Variants in LSAMP observed in about 807,000 individuals in gnomAD.
The protein encoded by LSAMP is limbic system associated membrane protein.
In LSAMP, 7 loss-of-function variants were observed where a neutral mutation model predicts 38.6. The observed-to-expected ratio is 0.18, with a 90% confidence interval of 0.10 to 0.34. The LOEUF (loss-of-function observed/expected upper bound fraction) is 0.34. Ranked by LOEUF, LSAMP falls within the 10% of genes least tolerant of loss-of-function variation. The pLI is 1.00. For synonymous variants in LSAMP, 154 were observed against 166.8 expected (o/e 0.92, Z 0.59); for missense variants, 313 against 420.0 (o/e 0.75, Z 2.23).
At chr3:116,101,670 G>A (rs1708350427) in intron 1 of LSAMP, among the ~76,000 whole-genome samples, 1 of 152,102 alleles carries the variant, frequency 6.6e-6, no homozygotes, top group East Asian at 1.9e-4. Flanking sequence ...CTGTAGTTTT[G>A]TATTCTTTAA....
chr3:115,967,480 C>T (rs1310894941), intron 3 of LSAMP, among the ~76,000 whole-genome samples: 1 of 152,174 alleles, frequency 6.6e-6, no homozygotes, highest in Non-Finnish European at 1.5e-5. Context: ...CCAAACTGTT[C>T]CAACCTCTGC....
rs567386744 is a variant in LSAMP, at chr3:115,812,546, T to C, written c.920-2132A>G. On this transcript the variant is annotated intron_variant, in intron 6 of 6. Coordinates refer to ENST00000490035, the MANE Select transcript of LSAMP (RefSeq NM_002338.5). Reference sequence around the variant, plus strand: ...CTTAGTGGCAACTTCCCCCAGGGCTTTTGGGCTGGTAGGAATGTTACTTTC... The same window carrying C: ...CTTAGTGGCAACTTCCCCCAGGGCTCTTGGGCTGGTAGGAATGTTACTTTC... Among the ~76,000 whole-genome samples, 9 of 152,224 alleles carry C rather than the reference T, an allele frequency of 5.9e-5. No homozygotes were observed. The South Asian group carries it at 1.9e-3, about 32-fold the overall frequency.
chr3:116,256,765 T>C (rs1012993940), intron 1 of LSAMP, among the ~76,000 whole-genome samples: 2 of 150,680 alleles, frequency 1.3e-5, no homozygotes, highest in African/African-American at 2.4e-5. Flanking sequence ...ATTCAATCCA[T>C]TTCACCCTAT....
intron 1 of LSAMP, among the ~76,000 whole-genome samples, chr3:116,438,972 A>G (rs985328138): frequency 2.0e-5 from 3 of 152,058 alleles, no homozygotes; most frequent in African/African-American, 7.2e-5. Flanking sequence ...TTTTTTACTG[A>G]TATCTATTTA....
chr3:115,979,214 CAG>C (rs1939283248), intron 3 of LSAMP, among the ~76,000 whole-genome samples: 2 of 151,532 alleles, frequency 1.3e-5, no homozygotes, highest in South Asian at 4.2e-4. Context: ...AGAAAAAAAA[CAG>C]AATAAGTTGG....
At chr3:115,957,723 T>C (rs748038624) in intron 3 of LSAMP, among the ~76,000 whole-genome samples, 4 of 152,228 alleles carry the variant, frequency 2.6e-5, no homozygotes, top group Non-Finnish European at 5.9e-5. Flanking sequence ...GGTACCATTA[T>C]TGTAGTTTTA....
intron 2 of LSAMP, among the ~76,000 whole-genome samples, chr3:116,046,391 A>G (rs1941288551): frequency 6.6e-6 from 1 of 152,148 alleles, no homozygotes; most frequent in Admixed American, 6.5e-5. Flanking sequence ...TCACCTTTGG[A>G]AAAAAGAAAC....
intron 2 of LSAMP, among the ~76,000 whole-genome samples, chr3:116,032,489 AAGCT>A (rs1410589842): frequency 6.6e-6 from 1 of 152,116 alleles, no homozygotes; most frequent in Non-Finnish European, 1.5e-5. Flanking sequence ...GATGAAAGGA[AAGCT>A]TTGATATTTC....
In LSAMP at chr3:115,840,568, CTG is replaced by C. The variant is rs1447594118; in HGVS notation, c.919+1275_919+1276del. Among the ~76,000 whole-genome samples, 3 of 152,196 alleles carry C rather than the reference CTG, an allele frequency of 2.0e-5. No individual in the cohort carries two copies. In the East Asian group the frequency reaches 5.8e-4, roughly 29 times the overall value. On this transcript the variant is annotated intron_variant, in intron 6 of 6. Coordinates refer to ENST00000490035, the MANE Select transcript of LSAMP (RefSeq NM_002338.5). ...ATTTGTATAACTGTATCTCATCAAACTGTCACAGACTGAAGTCAATGAGAGTT... is the reference window on the plus strand; with the variant it reads ...ATTTGTATAACTGTATCTCATCAAACTCACAGACTGAAGTCAATGAGAGTT...
At chr3:115,922,803 A>G (rs1937413041) in intron 3 of LSAMP, among the ~76,000 whole-genome samples, 1 of 152,044 alleles carries the variant, frequency 6.6e-6, no homozygotes, top group Non-Finnish European at 1.5e-5. Flanking sequence ...TCTCATGTGA[A>G]GAGGAGAGAG....
chr3:116,220,374 C>CACAT (rs1553714720), intron 1 of LSAMP, among the ~76,000 whole-genome samples: 2 of 151,176 alleles, frequency 1.3e-5, no homozygotes, highest in African/African-American at 4.9e-5. Context: ...CACACACACA[C>CACAT]ACACACACAC....
chr3:116,215,143 G>A (rs1342005689), intron 1 of LSAMP, among the ~76,000 whole-genome samples: 1 of 152,186 alleles, frequency 6.6e-6, no homozygotes, highest in Admixed American at 6.5e-5. Flanking sequence ...CTTATGAAAT[G>A]TGCCATCATA....
intron 1 of LSAMP, among the ~76,000 whole-genome samples, chr3:116,315,224 A>G (rs1307194565): frequency 6.6e-6 from 1 of 152,154 alleles, no homozygotes; most frequent in African/African-American, 2.4e-5. Context: ...CAAGTCTCCA[A>G]GATGCACTCA....
At chr3:116,050,700 A>T (rs1383956772) in intron 2 of LSAMP, among the ~76,000 whole-genome samples, 5 of 152,214 alleles carry the variant, frequency 3.3e-5, no homozygotes, top group Admixed American at 6.5e-5. Flanking sequence ...ATAGCAAAAT[A>T]AAAGGTTTGG....
intron 1 of LSAMP, among the ~76,000 whole-genome samples, chr3:116,432,644 AT>A (rs1384939708): frequency 6.6e-6 from 1 of 152,108 alleles, no homozygotes; most frequent in African/African-American, 2.4e-5. Context: ...ATGTAGCTAT[AT>A]TCAAAAACGT....
At chr3:116,301,000 T>A (rs573966150) in intron 1 of LSAMP, among the ~76,000 whole-genome samples, 7 of 152,080 alleles carry the variant, frequency 4.6e-5, no homozygotes, top group African/African-American at 1.7e-4. Context: ...TACGTGGTTA[T>A]TCAGTCTCAG....
chr3:116,371,219 A>G (rs1019901089), intron 1 of LSAMP, among the ~76,000 whole-genome samples: 8 of 152,174 alleles, frequency 5.3e-5, no homozygotes, highest in African/African-American at 1.9e-4. Context: ...CATTACCCTG[A>G]TATCAAAGCA....
At chr3:116,120,353 T>C (rs1462601497) in intron 1 of LSAMP, among the ~76,000 whole-genome samples, 3 of 151,988 alleles carry the variant, frequency 2.0e-5, no homozygotes, top group Admixed American at 1.3e-4. Context: ...AAGAATACAA[T>C]ATTTTAATCT....
chr3:116,275,403 A>G (rs72947977), intron 1 of LSAMP, among the ~76,000 whole-genome samples: 1 of 152,246 alleles, frequency 6.6e-6, no homozygotes, highest in East Asian at 1.9e-4. Flanking sequence ...AATAATGTCT[A>G]AAAAAATTAT....
Sources: gnomAD v4.1 joint callset for allele counts (sites outside exome capture counted in the v4.1 genomes callset) on GRCh38, gnomAD v4.1.1 for gene constraint, MANE v1.5 for transcripts, NCBI Gene and HGNC (gene_info 2026-07-23, HGNC 2026-07-21) for gene names.